The following AGBL4 variants were observed in gnomAD, a reference collection of about 807,000 sequenced individuals.
The protein encoded by AGBL4 is AGBL carboxypeptidase 4.
Under a neutral mutation model 66.4 loss-of-function variants are expected in AGBL4, and 58 were observed. The ratio of observed to expected loss-of-function variants is 0.87; its 90% confidence interval spans 0.71 to 1.09. The LOEUF (loss-of-function observed/expected upper bound fraction) is 1.09. Ranked by LOEUF, AGBL4 falls within the 50% of genes least tolerant of loss-of-function variation. The pLI is 0.00. For synonymous variants in AGBL4, 234 were observed against 222.9 expected (o/e 1.05, Z -0.44); for missense variants, 579 against 631.0 (o/e 0.92, Z 0.88).
chr1:49,727,166 C>T (rs145681153), intron 2 of AGBL4, among the ~76,000 whole-genome samples: 65 of 152,116 alleles, frequency 4.3e-4, no homozygotes, highest in Non-Finnish European at 8.5e-4. Context: ...AGCTTAGCAA[C>T]TAGAATATTA....
intron 6 of AGBL4, among the ~76,000 whole-genome samples, chr1:48,856,684 C>A (rs146873329): frequency 3.3e-5 from 5 of 152,134 alleles, no homozygotes; most frequent in Non-Finnish European, 5.9e-5. Context: ...AGTCCATCAC[C>A]ATCTAAAATA....
chr1:48,730,566 G>C (rs1647946611), intron 6 of AGBL4, among the ~76,000 whole-genome samples: 1 of 152,192 alleles, frequency 6.6e-6, no homozygotes, highest in Admixed American at 6.5e-5. Flanking sequence ...AGTCAGGGAA[G>C]TGGTAGAAGG....
chr1:49,828,253 T>G (rs1440716350), intron 2 of AGBL4, among the ~76,000 whole-genome samples: 1 of 152,144 alleles, frequency 6.6e-6, no homozygotes, highest in Non-Finnish European at 1.5e-5. Context: ...ATAGAGCAAA[T>G]AGACAAAGTA....
At chr1:49,624,065 A>C (rs1378947003) in intron 3 of AGBL4, among the ~76,000 whole-genome samples, 1 of 151,930 alleles carries the variant, frequency 6.6e-6, no homozygotes, top group Non-Finnish European at 1.5e-5. Context: ...ATAGAATTAA[A>C]AGCCCTTAGC....
chr1:49,920,666 T>C (rs187380059), intron 1 of AGBL4, among the ~76,000 whole-genome samples: 244 of 152,172 alleles, frequency 1.6e-3, no homozygotes, highest in Non-Finnish European at 2.7e-3. Flanking sequence ...GTTCAACCAT[T>C]GTGGAAGACA....
chr1:48,991,542 T>C (rs1272055635), intron 5 of AGBL4, among the ~76,000 whole-genome samples: 1 of 152,188 alleles, frequency 6.6e-6, no homozygotes, highest in Non-Finnish European at 1.5e-5. Context: ...AAGTTCTTTG[T>C]TATTATCCTT....
chr1:49,101,201 T>C (rs565393201), intron 4 of AGBL4, among the ~76,000 whole-genome samples: 1 of 151,848 alleles, frequency 6.6e-6, no homozygotes, highest in Non-Finnish European at 1.5e-5. Flanking sequence ...TTTTTTTTTT[T>C]AATTGAGACA....
At chr1:49,407,690 C>T (rs913102064) in intron 3 of AGBL4, among the ~76,000 whole-genome samples, 1 of 151,782 alleles carries the variant, frequency 6.6e-6, no homozygotes, top group Non-Finnish European at 1.5e-5. Flanking sequence ...AAAAGAGGAA[C>T]ACTTTTTAAT....
At chr1:49,299,830 T>C (rs1431528781) in intron 3 of AGBL4, among the ~76,000 whole-genome samples, 1 of 152,148 alleles carries the variant, frequency 6.6e-6, no homozygotes, top group Non-Finnish European at 1.5e-5. Context: ...CCTAGTTTTC[T>C]GAGTTTTTTT....
chr1:49,262,980 A>G (rs2148367199), intron 3 of AGBL4, among the ~76,000 whole-genome samples: 1 of 152,362 alleles, frequency 6.6e-6, no homozygotes, highest in East Asian at 1.9e-4. Flanking sequence ...CAGCCATAGA[A>G]AATGATGAGT....
At position 48,906,070 on chromosome 1, in the gene AGBL4, A is replaced by G. The variant is rs143853049; in HGVS notation, c.595-38840T>C. Reference sequence around the variant, plus strand: ...GTGCTAAGTGTCACGAAGCAAATCAAAAAGGGAAGAAAGATATAATGGGTG... The same window carrying G: ...GTGCTAAGTGTCACGAAGCAAATCAGAAAGGGAAGAAAGATATAATGGGTG... On this transcript the variant is annotated intron_variant, in intron 5 of 13. Transcript: ENST00000371839. Among the ~76,000 whole-genome samples the G allele has an allele frequency of 2.9e-3, 438 of 152,322 alleles. 5 individuals carry two copies. Among genetic ancestry groups the G allele is most frequent in the Non-Finnish European group, 3.7e-3 (254 of 68,020 alleles).
chr1:49,502,634 T>C (rs914967201), intron 3 of AGBL4, among the ~76,000 whole-genome samples: 3 of 152,004 alleles, frequency 2.0e-5, no homozygotes, highest in Non-Finnish European at 2.9e-5. Flanking sequence ...AAAATGCTGA[T>C]AGAAATATGG....
intron 3 of AGBL4, among the ~76,000 whole-genome samples, chr1:49,465,106 A>G (rs979332526): frequency 1.3e-5 from 2 of 151,600 alleles, no homozygotes; most frequent in African/African-American, 4.8e-5. Flanking sequence ...TGAGGTACAT[A>G]CACTGTGGAG....
At chr1:49,271,327 T>C (rs1644052817) in intron 3 of AGBL4, among the ~76,000 whole-genome samples, 1 of 152,074 alleles carries the variant, frequency 6.6e-6, no homozygotes, top group South Asian at 2.1e-4. Flanking sequence ...AAAACTTTCC[T>C]TTCTGTAAAC....
At chr1:49,673,629 C>T (rs967943076) in intron 3 of AGBL4, among the ~76,000 whole-genome samples, 5 of 151,836 alleles carry the variant, frequency 3.3e-5, no homozygotes, top group African/African-American at 1.2e-4. Flanking sequence ...AGAAAATTCC[C>T]CAAGTGAAAT....
chr1:48,930,238 T>TA (rs139641639), intron 5 of AGBL4, among the ~76,000 whole-genome samples: 15,877 of 151,956 alleles, frequency 0.1, 915 homozygotes, highest in African/African-American at 0.12. Context: ...TTTCAATTCA[T>TA]AACTAGGCTT....
intron 5 of AGBL4, among the ~76,000 whole-genome samples, chr1:48,901,223 G>C (rs1427945745): frequency 1.3e-5 from 2 of 152,146 alleles, no homozygotes; most frequent in African/African-American, 4.8e-5. Context: ...CATACCAAGT[G>C]TTGGTAAGGA....
At chr1:48,915,486 G>A (rs978469339) in intron 5 of AGBL4, among the ~76,000 whole-genome samples, 1 of 152,172 alleles carries the variant, frequency 6.6e-6, no homozygotes, top group Non-Finnish European at 1.5e-5. Flanking sequence ...TCTCCAGCCT[G>A]TGCTAGCTTT....
At chr1:49,036,047 A>G (rs1205693229) in intron 5 of AGBL4, among the ~76,000 whole-genome samples, 3 of 151,810 alleles carry the variant, frequency 2.0e-5, no homozygotes, top group African/African-American at 7.3e-5. Context: ...CATCAATTGT[A>G]CTCCAAACCT....
Sources: allele counts gnomAD v4.1 joint callset (sites outside exome capture counted in the v4.1 genomes callset), GRCh38; gene constraint gnomAD v4.1.1; transcripts MANE v1.5; gene names NCBI Gene and HGNC (gene_info 2026-07-23, HGNC 2026-07-21).